The following PGS1 variants were observed in gnomAD, a reference collection of about 807,000 sequenced individuals.
PGS1 encodes CDP-diacylglycerol--glycerol-3-phosphate 3-phosphatidyltransferase, mitochondrial.
Under a neutral mutation model 58.3 loss-of-function variants are expected in PGS1, and 44 were observed. The ratio of observed to expected loss-of-function variants is 0.75; its 90% CI spans 0.59 to 0.97. The LOEUF (loss-of-function observed/expected upper bound fraction) is 0.97. Ranked by LOEUF, PGS1 falls within the 50% of genes least tolerant of loss-of-function variation. The pLI, the probability that PGS1 is intolerant of heterozygous loss-of-function variation, is 0.00. For synonymous variants in PGS1, 330 were observed against 311.0 expected (o/e 1.06, Z -0.64); for missense variants, 684 against 731.1 (o/e 0.94, Z 0.74).
At chr17:78,396,036 A>C (rs2083207343) in intron 2 of PGS1, among the ~76,000 whole-genome samples, 2 of 152,254 alleles carry the variant, frequency 1.3e-5, no homozygotes, top group South Asian at 4.1e-4. Context: ...CACTACACCC[A>C]GCCTGCCTTC....
At chr17:78,420,249 A>G in intron 9 of PGS1, 1 of 988,678 alleles carries the variant, frequency 1.0e-6, no homozygotes, top group Non-Finnish European at 1.2e-6. Flanking sequence ...GTTGAGTAAC[A>G]GGACCTGCTC....
chr17:78,407,924 T>C (rs186305552), intron 7 of PGS1, among the ~76,000 whole-genome samples: 1 of 152,312 alleles, frequency 6.6e-6, no homozygotes, highest in African/African-American at 2.4e-5. Context: ...TGACAGAAAA[T>C]TCAGAGGGCT....
Position 78,400,382 on chromosome 17 carries a change from C to CAAA in PGS1, c.702-284_702-282dup, listed in dbSNP as rs35635587. On this transcript the variant is annotated intron_variant, in intron 5 of 9. Coordinates refer to ENST00000262764, the MANE Select transcript of PGS1 (RefSeq NM_024419.5). This position sits in a 1 kb window ranked among gnomAD's most constrained non-coding sequence, Gnocchi z 4.4. ...CCTGGGCGACAGAATGAGATTGTCT[C>CAAA]AAAAAAAAAAAAAGCCCTGTGTGGT... Among the ~76,000 whole-genome samples the CAAA allele has an allele frequency of 3.0e-5, 4 of 134,586 alleles. No homozygotes were observed. The East Asian group carries it at 6.3e-4, about 21-fold the overall frequency. 88.3% of individuals were successfully genotyped at this position (134,586 alleles called of 152,430 possible). A position where few individuals can be genotyped will look rare whatever the true frequency, so the allele number is the denominator to read the frequency against.
At chr17:78,411,837 T>G (rs1215610537) in intron 7 of PGS1, among the ~76,000 whole-genome samples, 1 of 149,412 alleles carries the variant, frequency 6.7e-6, no homozygotes, top group Non-Finnish European at 1.5e-5. Flanking sequence ...GGTGCGGGTC[T>G]GACCGGAGCT....
intron 1 of PGS1, among the ~76,000 whole-genome samples, chr17:78,380,100 A>G (rs1443751676): frequency 6.6e-6 from 1 of 152,072 alleles, no homozygotes; most frequent in Non-Finnish European, 1.5e-5. Context: ...TCCCAGCCTC[A>G]GTTGATCCAC....
chr17:78,413,791 C>T (rs1254860464), intron 7 of PGS1, among the ~76,000 whole-genome samples: 1 of 152,180 alleles, frequency 6.6e-6, no homozygotes, highest in Non-Finnish European at 1.5e-5. Context: ...CTGCGGGAGT[C>T]GGCCCTGGAC....
rs184868002 is a variant in PGS1 at position 78,400,782 on chromosome 17, G to A, written c.807G>A (p.Val269=). The A allele has an allele frequency of 1.3e-5, 21 of 1,613,918 alleles. No individual in the cohort carries two copies. In the South Asian group the frequency reaches 1.3e-4, roughly 10 times the overall value. ...TCTTCACGGAGCTGGTGGACGCGGTGGGGGATGTGTCCCTGCAGCTGCAGG... is the reference window on the plus strand; with the variant it reads ...TCTTCACGGAGCTGGTGGACGCGGTAGGGGATGTGTCCCTGCAGCTGCAGG... ...ADFFTELVDA[V]GDVSLQLQGD... is the part of the protein sequence containing the mutation. The change falls in exon 6 of 10, where the codon GTG becomes GTA. Residue 269 remains valine (V), a synonymous_variant. Coordinates refer to ENST00000262764, the MANE Select transcript of PGS1 (RefSeq NM_024419.5). The surrounding 1 kb of genome is among the most constrained non-coding windows in gnomAD (Gnocchi z 4.4).
chr17:78,396,064 T>C (rs951432819), intron 2 of PGS1, among the ~76,000 whole-genome samples: 2 of 152,216 alleles, frequency 1.3e-5, no homozygotes, highest in African/African-American at 2.4e-5. Flanking sequence ...TTAATGGCCG[T>C]GTTGCATTTT....
At chr17:78,386,394 A>T (rs1326219809) in intron 1 of PGS1, among the ~76,000 whole-genome samples, 2 of 152,100 alleles carry the variant, frequency 1.3e-5, no homozygotes. Flanking sequence ...TCCAGGGTAA[A>T]GGAGTGGCCT....
rs73998882 is a variant in PGS1 at position 78,396,672 on chromosome 17, G to C, written c.411+287G>C. 3.7e-3 allele frequency among the ~76,000 whole-genome samples: 569 copies of C among 152,386 alleles called. 1 individual carries two copies. Among genetic ancestry groups the C allele is most frequent in the African/African-American group, 0.013 (546 of 41,602 alleles). On this transcript the variant is annotated intron_variant, in intron 3 of 9. Transcript: ENST00000262764. The stretch of plus-strand genomic sequence containing the variant: ...GGGCCCCAGGCAGCTCTGTCTGCCA[G>C]TTCAGGGCTTGGCCGACTGTGGCCT...
At chr17:78,381,669 T>A (rs191118023) in intron 1 of PGS1, among the ~76,000 whole-genome samples, 7 of 152,312 alleles carry the variant, frequency 4.6e-5, no homozygotes, top group Admixed American at 3.3e-4. Flanking sequence ...GCTTGAATTA[T>A]TTTAGGTTTT....
intron 3 of PGS1, among the ~76,000 whole-genome samples, chr17:78,397,734 C>T (rs1401394732): frequency 6.6e-6 from 1 of 152,114 alleles, no homozygotes; most frequent in Non-Finnish European, 1.5e-5. Context: ...TGCGCCCGGC[C>T]GCCTCCCTCT....
intron 7 of PGS1, 54 bp downstream of exon 7, chr17:78,404,143 G>A: frequency 6.9e-7 from 1 of 1,458,934 alleles, no homozygotes; most frequent in South Asian, 1.4e-5. Context: ...ACAAACATGG[G>A]CAGGGGGTGG....
intron 2 of PGS1, 149 bp from the exon 3 acceptor site, chr17:78,396,159 A>T (rs921151985): frequency 1.5e-6 from 1 of 646,318 alleles, no homozygotes; most frequent in Non-Finnish European, 2.8e-6. Flanking sequence ...GTTACCATAC[A>T]CGTTTCGAGC....
Position 78,419,652 on chromosome 17 carries a change from A to G in PGS1, c.1658A>G (p.Lys553Arg), listed in dbSNP as rs762714628. ...GTGAAGATGGTGACTCCACTGATCA[A>G]GAACTTCTTCTGAGGACAGACAGGT... is the stretch of plus-strand genomic sequence containing the variant. Reference protein sequence around the residue: ...LWVKMVTPLIKNFF With the variant: ...LWVKMVTPLIRNFF Residue 553 changes from lysine to arginine, a missense_variant, in exon 9 of 10, where the codon AAG becomes AGG. Coordinates refer to ENST00000262764, the MANE Select transcript of PGS1 (RefSeq NM_024419.5). 3 of 1,614,066 alleles carry G rather than the reference A, an allele frequency of 1.9e-6. No individual in the cohort carries two copies. The South Asian group carries it at 3.3e-5, about 18-fold the overall frequency.
chr17:78,417,817 G>A (rs1045690613), intron 8 of PGS1, among the ~76,000 whole-genome samples: 10 of 151,396 alleles, frequency 6.6e-5, no homozygotes, highest in African/African-American at 1.5e-4. Context: ...CTGTGTGAGC[G>A]CTGCCAGGCG....
chr17:78,422,726 C>G (rs1279647815), intron 9 of PGS1, among the ~76,000 whole-genome samples: 1 of 152,092 alleles, frequency 6.6e-6, no homozygotes, highest in Non-Finnish European at 1.5e-5. Context: ...TCTTAAACTC[C>G]TGGGCTCAAG....
chr17:78,399,905 TG>T, intron 5 of PGS1: 1 of 288,924 alleles, frequency 3.5e-6, no homozygotes, highest in Non-Finnish European at 6.8e-6. Flanking sequence ...GAGTCAGACC[TG>T]GAAGTCCAGG....
chr17:78,399,947 C>A, intron 5 of PGS1: 1 of 254,060 alleles, frequency 3.9e-6, no homozygotes, highest in South Asian at 4.6e-5. Flanking sequence ...GGCCCTTTCA[C>A]AGGCCCTCCC....
Sources: gnomAD v4.1 joint callset for allele counts (sites outside exome capture counted in the v4.1 genomes callset) on GRCh38, gnomAD v4.1.1 for gene constraint, Gnocchi (gnomAD v3.1) non-coding constraint, MANE v1.5 for transcripts, NCBI Gene and HGNC (gene_info 2026-07-23, HGNC 2026-07-21) for gene names.